Variants in EXOC4 observed in about 807,000 individuals in gnomAD.
EXOC4 encodes exocyst complex component 4.
EXOC4 carries 71 observed loss-of-function variants against 107.2 expected under a neutral mutation model. That is an observed-to-expected ratio of 0.66 (90% CI 0.55 to 0.81). EXOC4 has a LOEUF of 0.81. Ranked by LOEUF, EXOC4 falls within the 30% of genes least tolerant of loss-of-function variation. The pLI is 0.00. For missense variants in EXOC4, 1,108 were observed against 1,189.6 expected, an observed-to-expected ratio of 0.93 and a Z score of 1.01; for synonymous variants, 456 against 441.2, an observed-to-expected ratio of 1.03 and a Z score of -0.42.
At chr7:133,960,482 T>G (rs1342258016) in intron 14 of EXOC4, among the ~76,000 whole-genome samples, 1 of 151,988 alleles carries the variant, frequency 6.6e-6, no homozygotes, top group Non-Finnish European at 1.5e-5. Context: ...GGTCTTGGAC[T>G]TTTTTTTGTT....
chr7:133,993,280 A>G (rs908642123), intron 14 of EXOC4, among the ~76,000 whole-genome samples: 1 of 152,188 alleles, frequency 6.6e-6, no homozygotes, highest in African/African-American at 2.4e-5. Flanking sequence ...TTCCTGTCAA[A>G]TGATGAGTTG....
At chr7:133,657,241 G>T (rs1324078130) in intron 10 of EXOC4, among the ~76,000 whole-genome samples, 8 of 152,116 alleles carry the variant, frequency 5.3e-5, no homozygotes, top group African/African-American at 1.9e-4. Context: ...CCCAGGAAGG[G>T]ATGGTCATTC....
chr7:133,526,136 T>G (rs1311469827), intron 9 of EXOC4, among the ~76,000 whole-genome samples: 3 of 152,204 alleles, frequency 2.0e-5, no homozygotes, highest in Non-Finnish European at 4.4e-5. Context: ...GTACATTATT[T>G]TCTTTTTCCC....
intron 10 of EXOC4, among the ~76,000 whole-genome samples, chr7:133,656,980 A>G (rs998738522): frequency 1.3e-5 from 2 of 152,190 alleles, no homozygotes; most frequent in African/African-American, 4.8e-5. Flanking sequence ...TATGCTGTGA[A>G]GATGTGGAGA....
intron 11 of EXOC4, among the ~76,000 whole-genome samples, chr7:133,844,158 A>G (rs1330515700): frequency 6.6e-6 from 1 of 152,080 alleles, no homozygotes; most frequent in Non-Finnish European, 1.5e-5. Flanking sequence ...TTTTGGTATC[A>G]GAATGATTCT....
At chr7:133,655,460 A>C (rs1439470535) in intron 10 of EXOC4, among the ~76,000 whole-genome samples, 1 of 152,204 alleles carries the variant, frequency 6.6e-6, no homozygotes, top group African/African-American at 2.4e-5. Context: ...ATTCTTTCAT[A>C]ATGACATTTA....
chr7:133,507,327 C>A (rs916788184), intron 9 of EXOC4, among the ~76,000 whole-genome samples: 1 of 152,124 alleles, frequency 6.6e-6, no homozygotes, highest in Non-Finnish European at 1.5e-5. Context: ...AATCTCAAAT[C>A]TTTTGTTACT....
At chr7:133,629,357 C>A (rs1238803486) in intron 9 of EXOC4, among the ~76,000 whole-genome samples, 1 of 152,126 alleles carries the variant, frequency 6.6e-6, no homozygotes, top group Non-Finnish European at 1.5e-5. Context: ...GGCACTTCAT[C>A]CTTTCTCTGA....
intron 10 of EXOC4, among the ~76,000 whole-genome samples, chr7:133,800,492 A>G (rs1478507488): frequency 1.3e-5 from 2 of 152,166 alleles, no homozygotes; most frequent in Non-Finnish European, 2.9e-5. Context: ...TTAGGAATAA[A>G]AGTTTTCCAG....
intron 7 of EXOC4, among the ~76,000 whole-genome samples, chr7:133,394,738 G>T (rs1796933000): frequency 6.6e-6 from 1 of 152,074 alleles, no homozygotes; most frequent in African/African-American, 2.4e-5. Flanking sequence ...AGAGATGCAA[G>T]AATCAAAAGA....
intron 7 of EXOC4, chr7:133,447,498 TAG>T (rs1191042496): frequency 6.6e-6 from 1 of 152,050 alleles, no homozygotes; most frequent in African/African-American, 2.4e-5. Context: ...TCCTAGTACT[TAG>T]AGAGTTCACA....
chr7:133,801,076 A>G (rs1302168170), intron 10 of EXOC4, among the ~76,000 whole-genome samples: 1 of 152,222 alleles, frequency 6.6e-6, no homozygotes, highest in African/African-American at 2.4e-5. Flanking sequence ...GCCTAAAGAA[A>G]TAAGAAAAAA....
chr7:134,073,368 GC>G, the EXOC4 span, among the ~76,000 whole-genome samples: 1 of 151,708 alleles, frequency 6.6e-6, no homozygotes, highest in Non-Finnish European at 1.5e-5. Flanking sequence ...GATTGTTTCA[GC>G]CCCCTCCCCA....
At chr7:133,790,090 C>G (rs1239021078) in intron 10 of EXOC4, among the ~76,000 whole-genome samples, 1 of 152,186 alleles carries the variant, frequency 6.6e-6, no homozygotes, top group Non-Finnish European at 1.5e-5. Flanking sequence ...GAGCACATAA[C>G]TAACAGAACC....
intron 9 of EXOC4, among the ~76,000 whole-genome samples, chr7:133,530,893 T>C (rs1800169988): frequency 6.6e-6 from 1 of 152,190 alleles, no homozygotes; most frequent in Admixed American, 6.5e-5. Context: ...GAGAGAGTGA[T>C]GTCATATGGT....
intron 14 of EXOC4, among the ~76,000 whole-genome samples, chr7:133,973,484 A>G (rs1458013975): frequency 6.6e-6 from 1 of 152,096 alleles, no homozygotes; most frequent in African/African-American, 2.4e-5. Flanking sequence ...GTGAGTTCAG[A>G]GTAATTCACA....
chr7:133,316,522 A>G (rs886996593), intron 4 of EXOC4, among the ~76,000 whole-genome samples: 1 of 152,072 alleles, frequency 6.6e-6, no homozygotes, highest in East Asian at 1.9e-4. Context: ...GCATTCTTTC[A>G]CTTAACAGGT....
chr7:133,581,610 T>TG (rs1801273681), intron 9 of EXOC4, among the ~76,000 whole-genome samples: 4 of 150,662 alleles, frequency 2.7e-5, no homozygotes, highest in Non-Finnish European at 4.4e-5. Flanking sequence ...TACAAAAAAT[T>TG]AGCCGGGCGT....
intron 5 of EXOC4, among the ~76,000 whole-genome samples, chr7:133,337,151 G>A (rs933324343): frequency 1.3e-5 from 2 of 152,092 alleles, no homozygotes; most frequent in African/African-American, 4.8e-5. Context: ...TCAATGTTGT[G>A]TTGAATTCTA....
Sources: gnomAD v4.1 joint callset for allele counts (sites outside exome capture counted in the v4.1 genomes callset) on GRCh38, gnomAD v4.1.1 for gene constraint, MANE v1.5 for transcripts, NCBI Gene and HGNC (gene_info 2026-07-23, HGNC 2026-07-21) for gene names.